The following PCSK5 variants were observed in gnomAD, a reference collection of about 807,000 sequenced individuals.
The protein encoded by PCSK5 is proprotein convertase subtilisin/kexin type 5, also known as prohormone convertase 5.
PCSK5 carries 129 observed loss-of-function variants against 233.2 expected under a neutral mutation model. The ratio of observed to expected loss-of-function variants is 0.55; its 90% CI spans 0.48 to 0.64. PCSK5 has a LOEUF of 0.64. Ranked by LOEUF, PCSK5 falls within the 30% of genes least tolerant of loss-of-function variation. The probability of loss-of-function intolerance (pLI) is 0.00; values close to 1 mark genes in which losing one functional copy is unlikely to be tolerated. For missense variants in PCSK5, 2,076 were observed against 2,430.1 expected (o/e 0.85, Z 3.06); for synonymous variants, 825 against 879.2 (o/e 0.94, Z 1.09).
In PCSK5 at chr9:76,046,160, GTTTTTT is replaced by G. The variant is rs71372041; in HGVS notation, c.632+19153_632+19158del. ...GCATTAACACATAATTTTTTCTTTTGTTTTTTTTTTTTTTTTTTTTTTTTTTTTTTT... is the reference window on the plus strand; with the variant it reads ...GCATTAACACATAATTTTTTCTTTTGTTTTTTTTTTTTTTTTTTTTTTTTT... On this transcript the variant is annotated intron_variant, in intron 5 of 37. Transcript: ENST00000674117. Among the ~76,000 whole-genome samples the G allele has an allele frequency of 6.8e-3, 393 of 58,028 alleles. 3 individuals carry two copies. Among genetic ancestry groups the G allele is most frequent in the African/African-American group, 0.024 (350 of 14,722 alleles). The allele number at this position is 58,028 out of a possible 152,430, so 38.1% of individuals were successfully genotyped here.
intron 1 of PCSK5, among the ~76,000 whole-genome samples, chr9:75,928,138 C>T (rs1440519491): frequency 2.0e-5 from 3 of 152,108 alleles, no homozygotes; most frequent in African/African-American, 7.2e-5. Flanking sequence ...AGAAGAGGAG[C>T]TTTAGAGGGC....
intron 3 of PCSK5, among the ~76,000 whole-genome samples, chr9:76,009,791 G>A (rs551860252): frequency 4.6e-5 from 7 of 152,146 alleles, no homozygotes; most frequent in African/African-American, 7.2e-5. Flanking sequence ...AGGAATAACC[G>A]TATTCAGACT....
intron 1 of PCSK5, among the ~76,000 whole-genome samples, chr9:75,927,692 C>A (rs1823558548): frequency 6.6e-6 from 1 of 152,118 alleles, no homozygotes; most frequent in South Asian, 2.1e-4. Flanking sequence ...CCAGTGTTAA[C>A]ACGTGGGTCT....
intron 24 of PCSK5, among the ~76,000 whole-genome samples, chr9:76,285,046 C>G (rs1047914308): frequency 2.0e-5 from 3 of 152,068 alleles, no homozygotes; most frequent in African/African-American, 7.2e-5. Context: ...AGTGATTAAT[C>G]AAAACAGTAT....
chr9:76,036,983 G>C (rs1828885226), intron 5 of PCSK5, among the ~76,000 whole-genome samples: 1 of 152,244 alleles, frequency 6.6e-6, no homozygotes, highest in South Asian at 2.1e-4. Flanking sequence ...TCTCCAGAGA[G>C]AAGGGGTTGG....
chr9:76,157,551 C>T (rs1293414220), intron 11 of PCSK5, among the ~76,000 whole-genome samples: 1 of 151,886 alleles, frequency 6.6e-6, no homozygotes, highest in African/African-American at 2.4e-5. Flanking sequence ...AAAGAGATTG[C>T]AGTTTACTCA....
At chr9:76,058,611 G>T (rs1829910911) in intron 5 of PCSK5, among the ~76,000 whole-genome samples, 1 of 151,994 alleles carries the variant, frequency 6.6e-6, no homozygotes, top group South Asian at 2.1e-4. Context: ...AAGCCTCAAA[G>T]AATTCACAGA....
intron 9 of PCSK5, among the ~76,000 whole-genome samples, chr9:76,132,230 G>A (rs925696913): frequency 5.9e-5 from 9 of 152,038 alleles, no homozygotes; most frequent in African/African-American, 1.7e-4. Flanking sequence ...GTCAGCAAAG[G>A]CTCAAATCAT....
chr9:75,960,517 T>C (rs1202235446), intron 2 of PCSK5, among the ~76,000 whole-genome samples: 1 of 152,102 alleles, frequency 6.6e-6, no homozygotes, highest in Non-Finnish European at 1.5e-5. Flanking sequence ...AATGTGATCA[T>C]GTGAAAGGGC....
chr9:75,958,404 G>A (rs919239022), intron 2 of PCSK5, among the ~76,000 whole-genome samples: 2 of 152,084 alleles, frequency 1.3e-5, no homozygotes, highest in African/African-American at 2.4e-5. Context: ...TGTTTTACTC[G>A]GTATGCTTAA....
At chr9:76,014,662 A>G (rs1468081694) in intron 3 of PCSK5, among the ~76,000 whole-genome samples, 1 of 152,120 alleles carries the variant, frequency 6.6e-6, no homozygotes, top group Non-Finnish European at 1.5e-5. Flanking sequence ...ACCTGTCGCT[A>G]TGTTACCGCC....
At chr9:76,002,890 T>C (rs1827319910) in intron 3 of PCSK5, among the ~76,000 whole-genome samples, 1 of 152,228 alleles carries the variant, frequency 6.6e-6, no homozygotes, top group Admixed American at 6.5e-5. Context: ...CATTGCAAGA[T>C]AACTGTCAGG....
intron 22 of PCSK5, among the ~76,000 whole-genome samples, chr9:76,236,914 G>T (rs185540178): frequency 3.9e-5 from 6 of 152,258 alleles, no homozygotes; most frequent in Admixed American, 2.6e-4. Context: ...GGGAAAAATT[G>T]AATATTGCCA....
chr9:76,323,565 C>A (rs186688216), intron 32 of PCSK5, among the ~76,000 whole-genome samples: 23 of 152,132 alleles, frequency 1.5e-4, no homozygotes, highest in South Asian at 1.5e-3. Flanking sequence ...TGGTCTTGAA[C>A]TCCTGGCTTC....
chr9:76,228,759 C>T (rs991512461), intron 21 of PCSK5, among the ~76,000 whole-genome samples: 4 of 152,228 alleles, frequency 2.6e-5, no homozygotes, highest in Non-Finnish European at 5.9e-5. Context: ...GGTGATGAGG[C>T]TGCTCCAGTG....
chr9:76,004,192 G>C (rs1827381785), intron 3 of PCSK5, among the ~76,000 whole-genome samples: 1 of 152,016 alleles, frequency 6.6e-6, no homozygotes, highest in Admixed American at 6.6e-5. Context: ...CTTTCATGTT[G>C]ATGATTTTGA....
chr9:76,241,320 T>C (rs1218217692), intron 24 of PCSK5, among the ~76,000 whole-genome samples: 5 of 152,174 alleles, frequency 3.3e-5, no homozygotes, highest in African/African-American at 1.2e-4. Flanking sequence ...CAGGCACCTG[T>C]AATCCCAGCT....
intron 20 of PCSK5, among the ~76,000 whole-genome samples, chr9:76,200,519 G>A (rs1382749755): frequency 1.3e-5 from 2 of 152,168 alleles, no homozygotes; most frequent in African/African-American, 4.8e-5. Context: ...TGCTTCATCT[G>A]TCTTGTTCAC....
chr9:75,895,125 G>A (rs1825755469), intron 1 of PCSK5, among the ~76,000 whole-genome samples: 2 of 152,132 alleles, frequency 1.3e-5, no homozygotes, highest in Non-Finnish European at 2.9e-5. Flanking sequence ...CTAAATGCAA[G>A]CCATACTGGA....
Sources: gnomAD v4.1 joint callset for allele counts (sites outside exome capture counted in the v4.1 genomes callset) on GRCh38, gnomAD v4.1.1 for gene constraint, MANE v1.5 for transcripts, NCBI Gene and HGNC (gene_info 2026-07-23, HGNC 2026-07-21) for gene names.